The following MBTPS1 variants were observed in gnomAD, a reference collection of about 807,000 sequenced individuals.
MBTPS1 encodes membrane bound transcription factor peptidase, site 1, also known as membrane-bound transcription factor site-1 protease.
MBTPS1 carries 94 observed loss-of-function variants against 127.8 expected under a neutral mutation model. The ratio of observed to expected loss-of-function variants is 0.74; its 90% CI spans 0.62 to 0.87. The LOEUF (loss-of-function observed/expected upper bound fraction) is 0.87. MBTPS1 is among the 40% of genes least tolerant of loss of function. The pLI is 0.00. For missense variants in MBTPS1, 1,636 were observed against 1,353.2 expected (o/e 1.21, Z -3.28); for synonymous variants, 632 against 509.4 (o/e 1.24, Z -3.24).
At chr16:84,058,839 C>A (rs900618735) in intron 21 of MBTPS1, among the ~76,000 whole-genome samples, 9 of 152,198 alleles carry the variant, frequency 5.9e-5, no homozygotes, top group Admixed American at 1.3e-4. Context: ...TGCTTTCACC[C>A]CCAGTCACAG....
At chr16:84,058,235 T>C (rs1289299970) in intron 21 of MBTPS1, among the ~76,000 whole-genome samples, 1 of 152,238 alleles carries the variant, frequency 6.6e-6, no homozygotes, top group Non-Finnish European at 1.5e-5. Context: ...GCGTGGTGTG[T>C]TCAGCACTTT....
intron 4 of MBTPS1, among the ~76,000 whole-genome samples, chr16:84,094,659 A>G (rs1597340950): frequency 6.6e-6 from 1 of 152,238 alleles, no homozygotes; most frequent in African/African-American, 2.4e-5. Flanking sequence ...AATCAATGCT[A>G]CTTTTAAAAA....
chr16:84,067,079 T>A (rs532671673), intron 16 of MBTPS1, among the ~76,000 whole-genome samples: 1 of 152,284 alleles, frequency 6.6e-6, no homozygotes, highest in Admixed American at 6.5e-5. Flanking sequence ...AAATTAATTA[T>A]TGTAAATATA....
At chr16:84,111,932 G>A (rs1342507126) in intron 1 of MBTPS1, among the ~76,000 whole-genome samples, 1 of 151,964 alleles carries the variant, frequency 6.6e-6, no homozygotes, top group African/African-American at 2.4e-5. Flanking sequence ...TGGGTGCGGT[G>A]GCTCATTCCT....
chr16:84,061,165 T>A (rs1290389047), intron 19 of MBTPS1: 1 of 168,176 alleles, frequency 5.9e-6, no homozygotes, highest in South Asian at 1.5e-4. Flanking sequence ...TTTTTTTAAG[T>A]TAGTCCCCAA....
intron 19 of MBTPS1, among the ~76,000 whole-genome samples, chr16:84,062,793 G>A (rs1284486993): frequency 6.6e-6 from 1 of 152,290 alleles, no homozygotes; most frequent in African/African-American, 2.4e-5. Context: ...ATGCCTATTT[G>A]CCTCCCCTTC....
At chr16:84,112,345 TAGATA>T in intron 1 of MBTPS1, among the ~76,000 whole-genome samples, 1 of 152,174 alleles carries the variant, frequency 6.6e-6, no homozygotes, top group Non-Finnish European at 1.5e-5. Flanking sequence ...CTTTTATACT[TAGATA>T]AAACATATTT....
At chr16:84,069,793 A>G in intron 14 of MBTPS1, 73 bp downstream of exon 14, 1 of 1,340,044 alleles carries the variant, frequency 7.5e-7, no homozygotes, top group Non-Finnish European at 1.0e-6. Flanking sequence ...TCTTTCCAAG[A>G]GTTGCGGGAA....
chr16:84,101,880 A>G lies in MBTPS1; in HGVS notation c.-97T>C. The G allele has an allele frequency of 2.6e-6, 3 of 1,147,494 alleles. No homozygotes were observed. The highest frequency in any genetic ancestry group is 3.8e-6 in the Non-Finnish European group (3 of 786,318). 71.1% of individuals were successfully genotyped at this position (1,147,494 alleles called of 1,614,324 possible). On this transcript the variant is annotated 5_prime_UTR_variant, in exon 2 of 23. Coordinates refer to ENST00000343411, the MANE Select transcript of MBTPS1 (RefSeq NM_003791.4). ...ATTTTTGTTTCAGCTAAAAGCTGCA[A>G]CATTACTAATCAGCCATCTTACAGT...
At chr16:84,082,140 T>A (rs773132674) in intron 10 of MBTPS1, 18 of 343,536 alleles carry the variant, frequency 5.2e-5, no homozygotes, top group Non-Finnish European at 8.3e-5. Flanking sequence ...GCTAAATGCA[T>A]CAGTAACACA....
At chr16:84,107,885 T>G (rs1597354582) in intron 1 of MBTPS1, among the ~76,000 whole-genome samples, 1 of 149,674 alleles carries the variant, frequency 6.7e-6, no homozygotes, top group Admixed American at 6.7e-5. Context: ...TTTTTTTTTT[T>G]GTAGAGATGG....
intron 21 of MBTPS1, 112 bp downstream of exon 21, chr16:84,059,190 G>C: frequency 7.3e-7 from 1 of 1,374,940 alleles, no homozygotes; most frequent in Non-Finnish European, 9.9e-7. Flanking sequence ...TGACAAGCTT[G>C]AAGATCTGAC....
Position 84,070,585 on chromosome 16 carries a change from T to TA in MBTPS1, c.1782+2dup, listed in dbSNP as rs755913911. 1 of 1,611,364 alleles carries TA rather than the reference T, an allele frequency of 6.2e-7. No homozygotes were observed. The highest frequency in any genetic ancestry group is 8.5e-7 in the Non-Finnish European group (1 of 1,179,552). Reference sequence around the variant, plus strand: ...AACAAGCCACTTTCCCGCATATCCCTACCTCTGTCTCTGCTGGGGAAGCCA... The same window carrying TA: ...AACAAGCCACTTTCCCGCATATCCCTAACCTCTGTCTCTGCTGGGGAAGCCA... On this transcript the variant is annotated splice_region_variant and intron_variant, in intron 13 of 22. Transcript: ENST00000343411.
At chr16:84,073,072 T>C (rs2085796467) in intron 12 of MBTPS1, among the ~76,000 whole-genome samples, 1 of 152,360 alleles carries the variant, frequency 6.6e-6, no homozygotes, top group African/African-American at 2.4e-5. Flanking sequence ...GCAAACAAAT[T>C]ATAATTTACT....
chr16:84,068,421 A>G lies in MBTPS1; in HGVS notation c.1989T>C (p.Asp663=). 6.2e-7 allele frequency: 1 copy of G among 1,614,138 alleles called. No homozygotes were observed. The highest frequency in any genetic ancestry group is 8.5e-7 in the Non-Finnish European group (1 of 1,179,930). The part of the protein sequence containing the change: ...NGDHIHTNFR[D]MYQHLRSMGY... ...CCATGCTTCTCAGATGCTGGTACAT[A>G]TCCCTGAAATTGGTGTGGATGTGAT... Residue 663 remains aspartate, a synonymous_variant, in exon 15 of 23, where the codon GAT becomes GAC. Transcript: ENST00000343411.
chr16:84,088,779 C>A (rs1391338357), intron 8 of MBTPS1, among the ~76,000 whole-genome samples: 1 of 152,122 alleles, frequency 6.6e-6, no homozygotes. Context: ...TGTCCTCAGA[C>A]CAGCCCTGGA....
At chr16:84,093,365 A>G in intron 5 of MBTPS1, 68 bp from the exon 6 acceptor site, 1 of 1,057,480 alleles carries the variant, frequency 9.5e-7, no homozygotes, top group Non-Finnish European at 1.5e-6. Context: ...GCAACATTCC[A>G]GGCCATGAGT....
chr16:84,081,933 T>C (rs769847997), intron 10 of MBTPS1, 25 bp from the exon 11 acceptor site: 2 of 1,351,460 alleles, frequency 1.5e-6, no homozygotes, highest in Non-Finnish European at 1.9e-6. Flanking sequence ...AAGAATTGCC[T>C]ATTTTCTCTC....
chr16:84,077,519 C>A (rs2085878138), intron 11 of MBTPS1, among the ~76,000 whole-genome samples: 1 of 152,098 alleles, frequency 6.6e-6, no homozygotes, highest in Admixed American at 6.5e-5. Flanking sequence ...ATCACAAGAG[C>A]TTTAACAAAT....
Sources: allele counts gnomAD v4.1 joint callset (sites outside exome capture counted in the v4.1 genomes callset), GRCh38; gene constraint gnomAD v4.1.1; transcripts MANE v1.5; gene names NCBI Gene and HGNC (gene_info 2026-07-23, HGNC 2026-07-21).